The following SEC24A variants were observed in gnomAD, a reference collection of about 807,000 sequenced individuals.
The protein encoded by SEC24A is SEC24 homolog A, COPII component.
Under a neutral mutation model 129.4 loss-of-function variants are expected in SEC24A, and 93 were observed. The observed-to-expected ratio is 0.72, with a 90% confidence interval of 0.61 to 0.85. The LOEUF (loss-of-function observed/expected upper bound fraction) is 0.85, where lower values mean the gene tolerates loss of function less well. Among genes scored for constraint, SEC24A ranks in the 40% least tolerant of loss-of-function variants. SEC24A has a pLI of 0.00. For missense variants in SEC24A, 1,264 were observed against 1,307.4 expected (o/e 0.97, Z 0.51); for synonymous variants, 460 against 467.3 (o/e 0.98, Z 0.20).
chr5:134,718,022 C>T (rs1348760842), intron 19 of SEC24A, 47 bp from the exon 20 acceptor site: 1 of 1,418,560 alleles, frequency 7.0e-7, no homozygotes, highest in Non-Finnish European at 1.0e-6. Context: ...ACTGTGACTC[C>T]ATATTTCCTA....
intron 10 of SEC24A, among the ~76,000 whole-genome samples, chr5:134,687,884 C>A (rs1202654518): frequency 6.6e-6 from 1 of 152,046 alleles, no homozygotes; most frequent in African/African-American, 2.4e-5. Flanking sequence ...TAATACTTTT[C>A]AGTATTTTTA....
chr5:134,694,878 G>A (rs1012962888), intron 13 of SEC24A, among the ~76,000 whole-genome samples: 1 of 151,688 alleles, frequency 6.6e-6, no homozygotes, highest in African/African-American at 2.4e-5. Context: ...TGATGGCCAA[G>A]GTGCTTATGT....
chr5:134,668,207 A>G (rs556183581), intron 3 of SEC24A, among the ~76,000 whole-genome samples: 11 of 152,342 alleles, frequency 7.2e-5, no homozygotes, highest in African/African-American at 2.4e-4. Flanking sequence ...CCCATATTCT[A>G]CTACTGAATA....
intron 15 of SEC24A, among the ~76,000 whole-genome samples, chr5:134,702,520 G>GTA (rs1272630268): frequency 1.3e-5 from 2 of 152,054 alleles, no homozygotes; most frequent in Admixed American, 6.6e-5. Flanking sequence ...ATTAAAAATG[G>GTA]TATATATCAC....
intron 1 of SEC24A, among the ~76,000 whole-genome samples, chr5:134,659,133 G>A (rs999015033): frequency 1.5e-4 from 22 of 150,992 alleles, no homozygotes; most frequent in Non-Finnish European, 2.2e-4. Context: ...GTGCAGTGGC[G>A]CGATGTTGGC....
In SEC24A at chr5:134,693,771, G is replaced by C. The variant is rs1751735214; in HGVS notation, c.1824G>C (p.Lys608Asn). ...LLKTLPQMFT[K>N]TLETQSALGP... is the part of the protein sequence containing the mutation. ...AAACTTTGCCACAAATGTTTACCAA[G>C]ACTCTGGAGACCCAGAGTGCCTTGG... Residue 608 changes from lysine (K) to asparagine (N), a missense_variant, in exon 13 of 23, where the codon AAG becomes AAC. Lys to Asn is a moderately conservative substitution (Grantham distance 94, BLOSUM62 0). Transcript: ENST00000398844. 1 of 1,614,006 alleles carries C rather than the reference G, an allele frequency of 6.2e-7. No homozygotes were observed. The highest frequency in any genetic ancestry group is 8.5e-7 in the Non-Finnish European group (1 of 1,180,024).
chr5:134,721,699 C>G (rs1039301845), intron 21 of SEC24A, among the ~76,000 whole-genome samples: 2 of 152,018 alleles, frequency 1.3e-5, no homozygotes, highest in African/African-American at 4.8e-5. Flanking sequence ...TAGTGAGACC[C>G]CATAACTACA....
intron 2 of SEC24A, among the ~76,000 whole-genome samples, chr5:134,663,016 TA>T (rs1216065058): frequency 1.4e-4 from 22 of 151,886 alleles, no homozygotes; most frequent in Non-Finnish European, 3.1e-4. Flanking sequence ...ATTTAAGTGT[TA>T]AAAAAAATGT....
At chr5:134,663,764 A>G (rs1002702767) in intron 2 of SEC24A, among the ~76,000 whole-genome samples, 2 of 152,210 alleles carry the variant, frequency 1.3e-5, no homozygotes, top group Non-Finnish European at 1.5e-5. Flanking sequence ...TAGCTATAAT[A>G]GAAACCCTCA....
chr5:134,678,702 C>T (rs1751155396), intron 7 of SEC24A, among the ~76,000 whole-genome samples: 1 of 151,972 alleles, frequency 6.6e-6, no homozygotes, highest in Non-Finnish European at 1.5e-5. Flanking sequence ...CTGCCTCAGC[C>T]TCCTGAGTAG....
At position 134,726,281 on chromosome 5, in the gene SEC24A, A is replaced by G. The variant is rs1752756227; in HGVS notation, c.*1187A>G. 6.6e-6 allele frequency: 1 copy of G among 152,598 alleles called. No individual in the cohort carries two copies. Among genetic ancestry groups the G allele is most frequent in the East Asian group, 1.9e-4 (1 of 5,206 alleles). The allele number at this position is 152,598 out of a possible 1,614,324, so 9.5% of individuals were successfully genotyped here. ...ACAAATAGGTAAATTATACATTTGT[A>G]TATTTAAAGTGCTGTGACATAGTAT... On this transcript the variant is annotated 3_prime_UTR_variant, in exon 23 of 23. Transcript: ENST00000398844.
chr5:134,700,232 T>G (rs1331523248), intron 15 of SEC24A, among the ~76,000 whole-genome samples: 2 of 152,040 alleles, frequency 1.3e-5, no homozygotes, highest in Non-Finnish European at 2.9e-5. Flanking sequence ...TCTTTTTTCT[T>G]TTTTTGGAGA....
intron 22 of SEC24A, among the ~76,000 whole-genome samples, chr5:134,724,314 CGCGGTG>C (rs1321088271): frequency 2.6e-5 from 4 of 152,110 alleles, no homozygotes; most frequent in African/African-American, 9.7e-5. Flanking sequence ...AGTCGCCGGG[CGCGGTG>C]GCTCATGCCT....
chr5:134,703,680 C>T, intron 15 of SEC24A, 79 bp from the exon 16 acceptor site: 1 of 957,704 alleles, frequency 1.0e-6, no homozygotes, highest in Non-Finnish European at 1.6e-6. Flanking sequence ...TTTTGCCAAT[C>T]TGATAAGTAA....
chr5:134,664,529 G>A (rs1396520371), intron 2 of SEC24A, among the ~76,000 whole-genome samples: 2 of 152,102 alleles, frequency 1.3e-5, no homozygotes, highest in African/African-American at 4.8e-5. Context: ...GAAAATCTCT[G>A]TAAGTTTACT....
chr5:134,684,079 C>T (rs375299826), intron 9 of SEC24A, among the ~76,000 whole-genome samples: 5 of 152,048 alleles, frequency 3.3e-5, no homozygotes, highest in East Asian at 3.9e-4. Flanking sequence ...CCAAGCCAGA[C>T]GGATTATGAG....
At chr5:134,676,438 CTTTTTTT>C (rs34581398) in intron 7 of SEC24A, among the ~76,000 whole-genome samples, 17 of 84,180 alleles carry the variant, frequency 2.0e-4, no homozygotes, top group African/African-American at 6.8e-4. Context: ...GCGCCCGGCT[CTTTTTTT>C]TTTTTTTTTT....
At chr5:134,724,604 G>C (rs1249977644) in intron 22 of SEC24A, among the ~76,000 whole-genome samples, 1 of 149,750 alleles carries the variant, frequency 6.7e-6, no homozygotes, top group Non-Finnish European at 1.5e-5. Context: ...AAAAAAAAAG[G>C]CTCGGTAGAA....
chr5:134,648,779 A>T, upstream of SEC24A: 1 of 241,098 alleles, frequency 4.1e-6, no homozygotes, highest in Non-Finnish European at 8.1e-6. Flanking sequence ...CCGGCGGCTG[A>T]CAGGCACTTC....
Sources: gnomAD v4.1 joint callset for allele counts (sites outside exome capture counted in the v4.1 genomes callset) on GRCh38, gnomAD v4.1.1 for gene constraint, MANE v1.5 for transcripts, NCBI Gene and HGNC (gene_info 2026-07-23, HGNC 2026-07-21) for gene names.